TFPI: variants seen among roughly 807,000 people sequenced by gnomAD.
The protein encoded by TFPI is tissue factor pathway inhibitor.
Under a neutral mutation model 34.6 loss-of-function variants are expected in TFPI, and 15 were observed. That is an observed-to-expected ratio of 0.43 (90% CI 0.29 to 0.67). The LOEUF is 0.67. Ranked by LOEUF, TFPI falls within the 30% of genes least tolerant of loss-of-function variation. The probability of loss-of-function intolerance (pLI) is 0.15; values close to 1 mark genes in which losing one functional copy is unlikely to be tolerated. For synonymous variants in TFPI, 105 were observed against 120.1 expected (o/e 0.87, Z 0.82); for missense variants, 301 against 364.0 (o/e 0.83, Z 1.41).
intron 3 of TFPI, among the ~76,000 whole-genome samples, chr2:187,495,053 TG>T (rs926252411): frequency 1.3e-5 from 2 of 152,068 alleles, no homozygotes; most frequent in Non-Finnish European, 2.9e-5. Flanking sequence ...AATGAGGAGA[TG>T]GGGGTAAGAG....
chr2:187,536,908 T>G (rs1688289418), intron 1 of TFPI, among the ~76,000 whole-genome samples: 1 of 151,918 alleles, frequency 6.6e-6, no homozygotes, highest in Non-Finnish European at 1.5e-5. Context: ...AAAATCAATG[T>G]GAAAAAACCA....
chr2:187,544,498 T>C (rs1688746424), intron 1 of TFPI: 1 of 152,016 alleles, frequency 6.6e-6, no homozygotes, highest in Admixed American at 6.6e-5. Flanking sequence ...ACAACAAAAA[T>C]CAAACCTCCG....
chr2:187,478,938 C>G (rs969053950), intron 6 of TFPI: 3 of 643,264 alleles, frequency 4.7e-6, no homozygotes, highest in Non-Finnish European at 7.8e-6. Context: ...ATCTTGTAAT[C>G]TAGACAGTGA....
At position 187,465,690 on chromosome 2, in the gene TFPI, A is replaced by C. The variant is rs193227801; in HGVS notation, c.*1246T>G. The C allele has an allele frequency of 6.6e-6, 1 of 151,980 alleles. No individual in the cohort carries two copies. Among genetic ancestry groups the C allele is most frequent in the Non-Finnish European group, 1.5e-5 (1 of 67,978 alleles). 9.4% of individuals were successfully genotyped at this position (151,980 alleles called of 1,614,324 possible). A position where few individuals can be genotyped will look rare whatever the true frequency, so the allele number is the denominator to read the frequency against. ...GAAGAACAGGCAGAATTATACTATC[A>C]TTGTTAGCGAGAAGTCATGAAGCTA... On this transcript the variant is annotated 3_prime_UTR_variant, in exon 8 of 8. Coordinates refer to ENST00000233156, the MANE Select transcript of TFPI (RefSeq NM_006287.6).
At chr2:187,508,172 A>G (rs1686360482) in intron 1 of TFPI, among the ~76,000 whole-genome samples, 1 of 151,952 alleles carries the variant, frequency 6.6e-6, no homozygotes, top group Admixed American at 6.6e-5. Context: ...TGGTCTATAT[A>G]TCTGTTTTGC....
intron 1 of TFPI, chr2:187,520,514 C>T (rs1687309899): frequency 6.6e-6 from 1 of 152,196 alleles, no homozygotes. Flanking sequence ...AGCCAGATAC[C>T]TCAGCTGGAA....
intron 1 of TFPI, chr2:187,529,429 C>T (rs1687846513): frequency 6.6e-6 from 1 of 152,234 alleles, no homozygotes; most frequent in Non-Finnish European, 1.5e-5. Context: ...AGGGCTCTCT[C>T]TTGGCTTGCC....
intron 6 of TFPI, among the ~76,000 whole-genome samples, chr2:187,476,201 A>G (rs1226812796): frequency 1.3e-5 from 2 of 152,162 alleles, no homozygotes; most frequent in Non-Finnish European, 2.9e-5. Context: ...CATGTAATGC[A>G]CTGGTCAATC....
At chr2:187,539,993 G>A (rs1490308865) in intron 1 of TFPI, among the ~76,000 whole-genome samples, 1 of 151,464 alleles carries the variant, frequency 6.6e-6, no homozygotes, top group African/African-American at 2.4e-5. Flanking sequence ...CCGCCTCCCG[G>A]GTTCAAGCAG....
intron 5 of TFPI, chr2:187,484,551 T>A (rs902323183): frequency 8.3e-6 from 4 of 484,262 alleles, no homozygotes; most frequent in African/African-American, 8.1e-5. Context: ...GCAATTCTAT[T>A]GTGCCAAAAT....
chr2:187,505,511 T>C (rs1686149096), intron 1 of TFPI, among the ~76,000 whole-genome samples: 2 of 152,144 alleles, frequency 1.3e-5, no homozygotes, highest in South Asian at 2.1e-4. Context: ...GTATTTCTCA[T>C]TGTGGCTACA....
chr2:187,536,380 T>TC (rs1688256031), intron 1 of TFPI, among the ~76,000 whole-genome samples: 1 of 152,092 alleles, frequency 6.6e-6, no homozygotes, highest in African/African-American at 2.4e-5. Context: ...AAAAAGCTTA[T>TC]CCCCCACCAT....
At chr2:187,500,733 A>T (rs1685793065) in intron 2 of TFPI, among the ~76,000 whole-genome samples, 3 of 152,248 alleles carry the variant, frequency 2.0e-5, no homozygotes. Flanking sequence ...TTGTGCAGTG[A>T]TCTTGCAGCC....
chr2:187,542,890 G>A (rs1200920218), intron 1 of TFPI, among the ~76,000 whole-genome samples: 1 of 150,590 alleles, frequency 6.6e-6, no homozygotes, highest in Non-Finnish European at 1.5e-5. Flanking sequence ...AAAAAATCTG[G>A]GCTGCTGGAA....
At chr2:187,507,393 A>G (rs983790789) in intron 1 of TFPI, among the ~76,000 whole-genome samples, 2 of 151,888 alleles carry the variant, frequency 1.3e-5, no homozygotes, top group Admixed American at 6.6e-5. Context: ...ATGTAGAATG[A>G]TTTATACTGG....
intron 1 of TFPI, among the ~76,000 whole-genome samples, chr2:187,523,857 T>G (rs1248669081): frequency 1.3e-5 from 2 of 152,110 alleles, no homozygotes; most frequent in Non-Finnish European, 2.9e-5. Flanking sequence ...TAGAATATTT[T>G]CATTCCCCCA....
chr2:187,473,458 C>T (rs1291574711), intron 6 of TFPI, among the ~76,000 whole-genome samples: 1 of 152,022 alleles, frequency 6.6e-6, no homozygotes, highest in Non-Finnish European at 1.5e-5. Flanking sequence ...TGCTAGAATG[C>T]CAACAGTGAT....
In TFPI at chr2:187,490,938, A is replaced by G. The variant is rs551459057; in HGVS notation, c.320-2563T>C. ...TTTAAGGATTATAATGTACTAATCC[A>G]TTACAGTCTAGTGCCAAGTAATGTA... On this transcript the variant is annotated intron_variant, in intron 3 of 7. Coordinates refer to ENST00000233156, the MANE Select transcript of TFPI (RefSeq NM_006287.6). Among the ~76,000 whole-genome samples, 13 of 151,854 alleles carry G rather than the reference A, an allele frequency of 8.6e-5. No individual in the cohort carries two copies. In the East Asian group the frequency reaches 2.3e-3, roughly 27 times the overall value.
intron 1 of TFPI, among the ~76,000 whole-genome samples, chr2:187,546,272 A>AT (rs1688853120): frequency 1.9e-4 from 27 of 141,944 alleles, no homozygotes; most frequent in Admixed American, 1.8e-3. Flanking sequence ...CTTTATAGTT[A>AT]AATTTGTAAG....
Sources: gnomAD v4.1 joint callset for allele counts (sites outside exome capture counted in the v4.1 genomes callset) on GRCh38, gnomAD v4.1.1 for gene constraint, MANE v1.5 for transcripts, NCBI Gene and HGNC (gene_info 2026-07-23, HGNC 2026-07-21) for gene names.